The following ARPP21 variants were observed in gnomAD, a reference collection of about 807,000 sequenced individuals.
ARPP21 encodes cAMP regulated phosphoprotein 21, also known as cAMP-regulated phosphoprotein 21.
A neutral mutation model predicts 113.2 loss-of-function variants in ARPP21; 69 were observed. That is an observed-to-expected ratio of 0.61 (90% CI 0.50 to 0.74). ARPP21 has a LOEUF of 0.74. Ranked by LOEUF, ARPP21 falls within the 30% of genes least tolerant of loss-of-function variation. The pLI is 0.00. For synonymous variants in ARPP21, 368 were observed against 375.5 expected (o/e 0.98, Z 0.23); for missense variants, 1,070 against 1,037.4 (o/e 1.03, Z -0.43).
At chr3:35,764,502 T>G (rs2095885032) in intron 19 of ARPP21, among the ~76,000 whole-genome samples, 1 of 152,166 alleles carries the variant, frequency 6.6e-6, no homozygotes, top group South Asian at 2.1e-4. Context: ...CTGAGTTAAA[T>G]TTGGATTCTT....
At chr3:35,701,300 C>T (rs139969208) in intron 9 of ARPP21, among the ~76,000 whole-genome samples, 1 of 151,764 alleles carries the variant, frequency 6.6e-6, no homozygotes, top group Non-Finnish European at 1.5e-5. Flanking sequence ...CATATAAGAT[C>T]ATCCTCATAT....
intron 19 of ARPP21, among the ~76,000 whole-genome samples, chr3:35,773,332 C>T (rs925510526): frequency 6.6e-6 from 1 of 152,106 alleles, no homozygotes; most frequent in East Asian, 1.9e-4. Context: ...GTGTCACCTT[C>T]CCTATTTTAC....
intron 1 of ARPP21, among the ~76,000 whole-genome samples, chr3:35,678,287 T>G (rs2078022530): frequency 6.6e-6 from 1 of 151,962 alleles, no homozygotes; most frequent in Admixed American, 6.6e-5. Flanking sequence ...TCTGTGATCC[T>G]TGAGAACTTC....
intron 19 of ARPP21, among the ~76,000 whole-genome samples, chr3:35,761,448 A>G (rs2151304034): frequency 6.6e-6 from 1 of 152,206 alleles, no homozygotes; most frequent in Non-Finnish European, 1.5e-5. Flanking sequence ...ACACACATGA[A>G]GACAGGGCTG....
In ARPP21 at chr3:35,792,446, T is replaced by A; in HGVS notation, c.2202T>A (p.Pro734=). Residue 734 remains proline, a synonymous_variant, in exon 20 of 21, where the codon CCT becomes CCA. Coordinates refer to ENST00000684406, the MANE Select transcript of ARPP21 (RefSeq NM_001385562.1). ...GCCTAATAGGAGTGCAGCAGCCACC[T>A]CAGAGTCAGAACGTGATAAATAACC... ...FQGLIGVQQP[P]QSQNVINNQQ... The A allele has an allele frequency of 6.2e-7, 1 of 1,613,902 alleles. No homozygotes were observed. The highest frequency in any genetic ancestry group is 8.5e-7 in the Non-Finnish European group (1 of 1,179,760).
intron 1 of ARPP21, among the ~76,000 whole-genome samples, chr3:35,666,016 A>T (rs1045725479): frequency 1.3e-5 from 2 of 152,032 alleles, no homozygotes; most frequent in African/African-American, 2.4e-5. Flanking sequence ...CAGAACCTCA[A>T]CTCCAACCTT....
chr3:35,642,670 T>G (rs1242529447), intron 1 of ARPP21, among the ~76,000 whole-genome samples: 3 of 152,146 alleles, frequency 2.0e-5, no homozygotes, highest in African/African-American at 7.2e-5. Flanking sequence ...CAGAAATAAT[T>G]TCAAATTCCT....
At position 35,774,012 on chromosome 3, in the gene ARPP21, G is replaced by C. The variant is rs750730312; in HGVS notation, c.2138-18370G>C. Among the ~76,000 whole-genome samples, 40 of 152,276 alleles carry C rather than the reference G, an allele frequency of 2.6e-4. No homozygotes were observed. The Middle Eastern group carries it at 0.01, about 39-fold the overall frequency. ...TCCCGCTTTTGCTGTAAGTCATATT[G>C]ATGGTGAGGTACTAAAGCTTCACTG... On this transcript the variant is annotated intron_variant, in intron 19 of 20. Coordinates refer to ENST00000684406, the MANE Select transcript of ARPP21 (RefSeq NM_001385562.1).
intron 19 of ARPP21, among the ~76,000 whole-genome samples, chr3:35,763,031 T>C (rs1461382926): frequency 6.6e-6 from 1 of 152,104 alleles, no homozygotes; most frequent in Admixed American, 6.6e-5. Context: ...TCTGGAGAAT[T>C]GAGTCAGAGG....
At chr3:35,652,294 A>C (rs1396508414) in intron 1 of ARPP21, among the ~76,000 whole-genome samples, 2 of 152,094 alleles carry the variant, frequency 1.3e-5, no homozygotes, top group Admixed American at 1.3e-4. Flanking sequence ...GAATGATTTC[A>C]AATAAAATTA....
At chr3:35,656,818 T>G (rs1280876678) in intron 1 of ARPP21, among the ~76,000 whole-genome samples, 1 of 152,008 alleles carries the variant, frequency 6.6e-6, no homozygotes, top group African/African-American at 2.4e-5. Context: ...GTATAATAGT[T>G]TTAAAATTAA....
chr3:35,777,268 A>G (rs2096400467), intron 19 of ARPP21, among the ~76,000 whole-genome samples: 1 of 152,154 alleles, frequency 6.6e-6, no homozygotes, highest in South Asian at 2.1e-4. Flanking sequence ...CTACACAGTA[A>G]ATGCCATGTG....
chr3:35,733,537 A>G (rs1156557131), intron 15 of ARPP21, among the ~76,000 whole-genome samples: 1 of 152,228 alleles, frequency 6.6e-6, no homozygotes, highest in Admixed American at 6.5e-5. Context: ...AGGGCCAGCC[A>G]GTCCGTTTTT....
intron 19 of ARPP21, 62 bp downstream of exon 19, chr3:35,744,027 A>G (rs1258673205): frequency 3.8e-6 from 6 of 1,583,028 alleles, no homozygotes; most frequent in African/African-American, 1.3e-5. Flanking sequence ...TGAATCTTGT[A>G]CTCTTTGGAT....
intron 19 of ARPP21, among the ~76,000 whole-genome samples, chr3:35,750,613 A>AT (rs964761466): frequency 6.6e-6 from 1 of 151,872 alleles, no homozygotes; most frequent in African/African-American, 2.4e-5. Flanking sequence ...GGTATTCCGT[A>AT]TTTTTTCTGT....
chr3:35,790,710 GC>G (rs1183769715), intron 19 of ARPP21, among the ~76,000 whole-genome samples: 5 of 152,168 alleles, frequency 3.3e-5, no homozygotes, highest in African/African-American at 4.8e-5. Context: ...GACCTGCCAA[GC>G]ATATTAAAGG....
At chr3:35,721,231 T>C (rs2093038642) in intron 13 of ARPP21, among the ~76,000 whole-genome samples, 1 of 152,234 alleles carries the variant, frequency 6.6e-6, no homozygotes. Context: ...AAGATCACAA[T>C]TACTTCTGAA....
intron 19 of ARPP21, among the ~76,000 whole-genome samples, chr3:35,771,828 A>C (rs2096214302): frequency 6.6e-6 from 1 of 152,192 alleles, no homozygotes; most frequent in Non-Finnish European, 1.5e-5. Context: ...GTGACTGAAA[A>C]TCATGGCATA....
intron 5 of ARPP21, among the ~76,000 whole-genome samples, chr3:35,687,008 G>T (rs2080822585): frequency 6.6e-6 from 1 of 151,032 alleles, no homozygotes; most frequent in Non-Finnish European, 1.5e-5. Context: ...TTTTGGAAAG[G>T]ACTAACTGAT....
Sources: gnomAD v4.1 joint callset for allele counts (sites outside exome capture counted in the v4.1 genomes callset) on GRCh38, gnomAD v4.1.1 for gene constraint, MANE v1.5 for transcripts, NCBI Gene and HGNC (gene_info 2026-07-23, HGNC 2026-07-21) for gene names.